ZNF487: variants seen among roughly 807,000 people sequenced by gnomAD.
ZNF487 encodes KRAB domain only 1.
A neutral mutation model predicts 3.0 loss-of-function variants in ZNF487; 4 were observed. That is an observed-to-expected ratio of 1.35 (90% CI 0.66 to 3.08). ZNF487 has a LOEUF of 3.08. Among genes scored for constraint, ZNF487 ranks in the 30% most tolerant of loss-of-function variants. The probability of loss-of-function intolerance (pLI) is 0.01; values close to 1 mark genes in which losing one functional copy is unlikely to be tolerated. For missense variants in ZNF487, 146 were observed against 98.7 expected, an observed-to-expected ratio of 1.48 and a Z score of -2.03; for synonymous variants, 55 against 34.6, an observed-to-expected ratio of 1.59 and a Z score of -2.06.
the ZNF487 span, among the ~76,000 whole-genome samples, chr10:43,492,298 T>C: frequency 6.6e-6 from 1 of 151,942 alleles, no homozygotes; most frequent in African/African-American, 2.4e-5. Context: ...TCTTTGTTAC[T>C]ATTCTATGTC....
chr10:43,470,437 GCAATGGCGTGATCT>G (rs2132121620), intron 1 of ZNF487, among the ~76,000 whole-genome samples: 1 of 152,300 alleles, frequency 6.6e-6, no homozygotes, highest in East Asian at 1.9e-4. Context: ...AGGCTGGAGT[GCAATGGCGTGATCT>G]CACCTCACCG....
At chr10:43,494,439 C>T in the ZNF487 span, among the ~76,000 whole-genome samples, 1 of 152,150 alleles carries the variant, frequency 6.6e-6, no homozygotes. Flanking sequence ...CCGGTTCTTA[C>T]ACCTGAATGT....
rs1272578961 is a variant in ZNF487, at chr10:43,476,159, G to A, written c.87G>A (p.Val29=). Residue 29 remains valine, a synonymous_variant, in exon 3 of 4, where the codon GTG becomes GTA. Coordinates refer to ENST00000437590, the MANE Select transcript of ZNF487 (RefSeq NM_001355444.3). ...TTTGCAAGTTGGAGCATGGACAGGT[G>A]CTGTGGATATTAGAGGAAGAGTCCC... ...EVVCKLEHGQ[V]LWILEEESPS... 4.2e-6 allele frequency: 3 copies of A among 717,386 alleles called. No homozygotes were observed. In the East Asian group the frequency reaches 8.0e-5, roughly 19 times the overall value. The allele number at this position is 717,386 out of a possible 1,614,324, so 44.4% of individuals were successfully genotyped here.
intron 1 of ZNF487, among the ~76,000 whole-genome samples, chr10:43,455,556 C>T (rs1840156574): frequency 1.3e-5 from 2 of 152,228 alleles, no homozygotes; most frequent in Non-Finnish European, 1.5e-5. Context: ...GGCTGGACGA[C>T]GCAGCTCAGG....
chr10:43,460,380 CTTTTTTTTT>C (rs199998705), intron 1 of ZNF487, among the ~76,000 whole-genome samples: 1 of 121,122 alleles, frequency 8.3e-6, no homozygotes, highest in African/African-American at 3.2e-5. Flanking sequence ...TTCTTTCTTT[CTTTTTTTTT>C]TTTTTTTTTT....
At position 43,481,874 on chromosome 10, in the gene ZNF487, G is replaced by C; in HGVS notation, c.576G>C (p.Glu192Asp). Reference protein sequence around the residue: ...YNQCGKAFHEEAACSTHKRVC... With the variant: ...YNQCGKAFHEDAACSTHKRVC... The stretch of plus-strand genomic sequence containing the variant: ...AGTGTGGGAAGGCTTTTCATGAAGA[G>C]GCAGCCTGCAGTACCCATAAGAGAG... Residue 192 changes from glutamate (E) to aspartate (D), a missense_variant, in exon 4 of 4, where the codon GAG becomes GAC. Coordinates refer to ENST00000437590, the MANE Select transcript of ZNF487 (RefSeq NM_001355444.3). 2 of 701,358 alleles carry C rather than the reference G, an allele frequency of 2.9e-6. No homozygotes were observed. Among genetic ancestry groups the C allele is most frequent in the Non-Finnish European group, 5.2e-6 (2 of 384,504 alleles). The allele number at this position is 701,358 out of a possible 1,614,324, so 43.4% of individuals were successfully genotyped here. A position where few individuals can be genotyped will look rare whatever the true frequency, so the allele number is the denominator to read the frequency against.
At chr10:43,468,090 T>G (rs1840771033) in intron 1 of ZNF487, among the ~76,000 whole-genome samples, 1 of 152,156 alleles carries the variant, frequency 6.6e-6, no homozygotes, top group Non-Finnish European at 1.5e-5. Context: ...ATAGCATAAC[T>G]AGAATTAGAA....
At chr10:43,490,388 A>G in the ZNF487 span, among the ~76,000 whole-genome samples, 1 of 151,790 alleles carries the variant, frequency 6.6e-6, no homozygotes, top group Admixed American at 6.6e-5. Flanking sequence ...AATAAATAAA[A>G]CAAACAAACA....
chr10:43,480,274 A>T (rs1173289932), intron 3 of ZNF487, among the ~76,000 whole-genome samples: 1 of 149,628 alleles, frequency 6.7e-6, no homozygotes, highest in East Asian at 2.0e-4. Flanking sequence ...CACCCAGCTC[A>T]TTTTTGTATT....
chr10:43,463,036 AC>A (rs1840490247), intron 1 of ZNF487, among the ~76,000 whole-genome samples: 1 of 151,850 alleles, frequency 6.6e-6, no homozygotes, highest in African/African-American at 2.4e-5. Context: ...GGAGTTTGAG[AC>A]CAGCCTGACC....
Position 43,475,753 on chromosome 10 carries a change from C to G in ZNF487, c.-61C>G. 1.3e-6 allele frequency: 1 copy of G among 780,952 alleles called. No individual in the cohort carries two copies. Among genetic ancestry groups the G allele is most frequent in the East Asian group, 2.4e-5 (1 of 41,260 alleles). 48.4% of individuals were successfully genotyped at this position (780,952 alleles called of 1,614,324 possible). ...TGTCCTTCAGTGATGTGGCTGTGGG[C>G]TTCACCCAGGAGGAGTGGCAGCATC... On this transcript the variant is annotated 5_prime_UTR_variant, in exon 2 of 4. Coordinates refer to ENST00000437590, the MANE Select transcript of ZNF487 (RefSeq NM_001355444.3).
chr10:43,509,229 G>T, the ZNF487 span, among the ~76,000 whole-genome samples: 2 of 151,578 alleles, frequency 1.3e-5, no homozygotes, highest in South Asian at 4.2e-4. Context: ...GTATGAAGGG[G>T]TGATTATCCC....
intron 1 of ZNF487, among the ~76,000 whole-genome samples, chr10:43,468,979 ACT>A (rs1343646594): frequency 1.6e-4 from 18 of 111,968 alleles, no homozygotes; most frequent in African/African-American, 5.0e-4. Flanking sequence ...ACAGAGTGAG[ACT>A]CTATCTCAAA....
chr10:43,464,285 T>G (rs1840563890), intron 1 of ZNF487, among the ~76,000 whole-genome samples: 1 of 151,546 alleles, frequency 6.6e-6, no homozygotes, highest in Non-Finnish European at 1.5e-5. Context: ...CTGGTTCAAG[T>G]GATTCTTCTG....
chr10:43,456,111 C>A (rs1331446568), intron 1 of ZNF487, among the ~76,000 whole-genome samples: 5 of 152,182 alleles, frequency 3.3e-5, no homozygotes, highest in Non-Finnish European at 5.9e-5. Context: ...GGGCTGCGGG[C>A]CTCGTCTGAA....
the ZNF487 span, among the ~76,000 whole-genome samples, chr10:43,520,729 C>A: frequency 6.6e-6 from 1 of 152,142 alleles, no homozygotes; most frequent in South Asian, 2.1e-4. Context: ...ATAGCTATTT[C>A]TTGAAGGCAT....
downstream of ZNF487, among the ~76,000 whole-genome samples, chr10:43,483,554 A>G (rs1841441610): frequency 7.0e-6 from 1 of 142,064 alleles, no homozygotes; most frequent in African/African-American, 2.7e-5. Flanking sequence ...TTGAATCAGA[A>G]TCTCACTCTG....
chr10:43,520,422 A>G, the ZNF487 span, among the ~76,000 whole-genome samples: 1 of 152,218 alleles, frequency 6.6e-6, no homozygotes, highest in African/African-American at 2.4e-5. Context: ...AAGAAGTTTA[A>G]GGTTTGTGTT....
chr10:43,516,640 G>A, the ZNF487 span, among the ~76,000 whole-genome samples: 4 of 152,266 alleles, frequency 2.6e-5, no homozygotes, highest in Non-Finnish European at 1.5e-5. Flanking sequence ...CATCCAGCAC[G>A]GGAGAAAGAT....
Sources: allele counts gnomAD v4.1 joint callset (sites outside exome capture counted in the v4.1 genomes callset), GRCh38; gene constraint gnomAD v4.1.1; transcripts MANE v1.5; gene names NCBI Gene and HGNC (gene_info 2026-07-23, HGNC 2026-07-21).